Variants in DOCK3 observed in about 807,000 individuals in gnomAD.
The protein encoded by DOCK3 is dedicator of cytokinesis protein 3.
In DOCK3, 60 loss-of-function variants were observed where a neutral mutation model predicts 265.6. The ratio of observed to expected loss-of-function variants is 0.23; its 90% CI spans 0.18 to 0.28. The LOEUF (loss-of-function observed/expected upper bound fraction) is 0.28, where lower values mean the gene tolerates loss of function less well. Ranked by LOEUF, DOCK3 falls within the 10% of genes least tolerant of loss-of-function variation. The pLI is 1.00. For missense variants in DOCK3, 1,981 were observed against 2,594.3 expected, an observed-to-expected ratio of 0.76 and a Z score of 5.14; for synonymous variants, 881 against 938.0, an observed-to-expected ratio of 0.94 and a Z score of 1.11.
chr3:51,326,452 G>C (rs557027459), intron 32 of DOCK3, among the ~76,000 whole-genome samples: 1 of 151,382 alleles, frequency 6.6e-6, no homozygotes, highest in Non-Finnish European at 1.5e-5. Flanking sequence ...GTAGAAACTG[G>C]GTTTCTACTA....
intron 3 of DOCK3, among the ~76,000 whole-genome samples, chr3:50,889,605 A>G (rs192720198): frequency 2.6e-5 from 4 of 152,100 alleles, no homozygotes; most frequent in Admixed American, 2.0e-4. Context: ...GTGAATATTA[A>G]TGTTAGCTAG....
rs534905695 is a variant in DOCK3, at chr3:50,992,546, C to G, written c.315+58469C>G. Among the ~76,000 whole-genome samples, 3 of 152,342 alleles carry G rather than the reference C, an allele frequency of 2.0e-5. No individual in the cohort carries two copies. The East Asian group carries it at 5.8e-4, about 29-fold the overall frequency. On this transcript the variant is annotated intron_variant, in intron 5 of 52. Coordinates refer to ENST00000266037, the MANE Select transcript of DOCK3 (RefSeq NM_004947.5). ...TCCTGACCTCAGGTGATCCGCACGC[C>G]TCAGCCTCCCAAAGTGCTGGGATCA... is the stretch of plus-strand genomic sequence containing the variant.
chr3:51,095,998 G>A (rs2082842372), intron 9 of DOCK3, among the ~76,000 whole-genome samples: 1 of 149,992 alleles, frequency 6.7e-6, no homozygotes, highest in South Asian at 2.1e-4. Context: ...TTAGTCTGAT[G>A]GGCTTCCCTT....
At chr3:51,345,251 A>G (rs1430965863) in intron 38 of DOCK3, among the ~76,000 whole-genome samples, 1 of 152,206 alleles carries the variant, frequency 6.6e-6, no homozygotes, top group African/African-American at 2.4e-5. Context: ...TAATGGGGGT[A>G]CAAGAGGCTT....
At chr3:51,162,384 T>A (rs2086182775) in intron 12 of DOCK3, among the ~76,000 whole-genome samples, 1 of 152,238 alleles carries the variant, frequency 6.6e-6, no homozygotes, top group Non-Finnish European at 1.5e-5. Flanking sequence ...CTTTATGGGA[T>A]GAGGATCTTC....
chr3:50,878,244 G>A (rs1167375548), intron 3 of DOCK3, among the ~76,000 whole-genome samples: 2 of 152,142 alleles, frequency 1.3e-5, no homozygotes, highest in East Asian at 1.9e-4. Context: ...GCAGCTCCTC[G>A]CCAGCAATGA....
rs1231665026 is a variant in DOCK3 at position 51,374,345 on chromosome 3, A to G, written c.5294-124A>G. The G allele has an allele frequency of 3.7e-6, 3 of 818,492 alleles. No individual in the cohort carries two copies. Among genetic ancestry groups the G allele is most frequent in the Non-Finnish European group, 6.0e-6 (3 of 499,332 alleles). The allele number at this position is 818,492 out of a possible 1,614,324, so 50.7% of individuals were successfully genotyped here. A position where few individuals can be genotyped will look rare whatever the true frequency, so the allele number is the denominator to read the frequency against. On this transcript the variant is annotated intron_variant, in intron 49 of 52. Transcript: ENST00000266037. The surrounding 1 kb of genome is among the most constrained non-coding windows in gnomAD (Gnocchi z 4.8). ...TGCTTCATTCCTCCTGTGCTTGCTG[A>G]GTTCATCCTCACCCTAACTGTAAGG...
At chr3:51,038,599 G>A (rs558429345) in intron 5 of DOCK3, among the ~76,000 whole-genome samples, 6 of 152,298 alleles carry the variant, frequency 3.9e-5, no homozygotes, top group East Asian at 3.9e-4. Context: ...TACAGTGTTG[G>A]TAAGGCCAGT....
chr3:51,351,193 T>A (rs2085950489), intron 40 of DOCK3, among the ~76,000 whole-genome samples: 2 of 152,208 alleles, frequency 1.3e-5, no homozygotes, highest in Non-Finnish European at 2.9e-5. Flanking sequence ...TGCCCTGATG[T>A]GTGGGCCCTG....
intron 1 of DOCK3, among the ~76,000 whole-genome samples, chr3:50,717,687 A>T (rs924814685): frequency 2.0e-5 from 3 of 152,144 alleles, no homozygotes; most frequent in Admixed American, 2.0e-4. Flanking sequence ...CAGTGGCGCA[A>T]TCTCAGCGCA....
intron 3 of DOCK3, among the ~76,000 whole-genome samples, chr3:50,888,454 C>G (rs2048457293): frequency 6.6e-6 from 1 of 152,094 alleles, no homozygotes; most frequent in African/African-American, 2.4e-5. Context: ...TTTATAGATT[C>G]AATGCCATCC....
At chr3:51,352,010 G>A (rs1175019879) in intron 40 of DOCK3, among the ~76,000 whole-genome samples, 1 of 152,132 alleles carries the variant, frequency 6.6e-6, no homozygotes, top group Non-Finnish European at 1.5e-5. Context: ...CATCTCTAGT[G>A]ACCATCCAGC....
chr3:50,794,145 T>C (rs2042640811), intron 2 of DOCK3, among the ~76,000 whole-genome samples: 1 of 152,196 alleles, frequency 6.6e-6, no homozygotes, highest in African/African-American at 2.4e-5. Context: ...GAGTGTTTTG[T>C]GTCCGAGTAT....
intron 3 of DOCK3, among the ~76,000 whole-genome samples, chr3:50,882,079 C>G (rs2048068835): frequency 6.6e-6 from 1 of 152,188 alleles, no homozygotes; most frequent in East Asian, 1.9e-4. Context: ...AAAGCTGAAA[C>G]TGGATCCCTT....
chr3:51,220,075 A>C (rs1404866188), intron 14 of DOCK3, among the ~76,000 whole-genome samples: 1 of 152,168 alleles, frequency 6.6e-6, no homozygotes, highest in Non-Finnish European at 1.5e-5. Flanking sequence ...AAGTCCTCTC[A>C]AGAGCCTTTT....
intron 1 of DOCK3, among the ~76,000 whole-genome samples, chr3:50,718,585 T>TA (rs2037273093): frequency 6.6e-6 from 1 of 152,158 alleles, no homozygotes; most frequent in African/African-American, 2.4e-5. Context: ...AAATATTTGT[T>TA]AAAGTATTTT....
intron 13 of DOCK3, among the ~76,000 whole-genome samples, chr3:51,212,791 A>G (rs112288694): frequency 2.6e-5 from 4 of 152,316 alleles, no homozygotes; most frequent in African/African-American, 7.2e-5. Context: ...CAGAATGCCA[A>G]CTGGAATACT....
intron 49 of DOCK3, among the ~76,000 whole-genome samples, chr3:51,365,919 G>A (rs1218403228): frequency 6.6e-6 from 1 of 152,174 alleles, no homozygotes; most frequent in Non-Finnish European, 1.5e-5. Context: ...TTGCATTGAT[G>A]TTCATCAGGG....
At chr3:50,974,807 T>A (rs2077376432) in intron 5 of DOCK3, among the ~76,000 whole-genome samples, 1 of 144,722 alleles carries the variant, frequency 6.9e-6, no homozygotes, top group South Asian at 2.4e-4. Flanking sequence ...GTATCATCTT[T>A]TATTTCATTG....
Sources: allele counts gnomAD v4.1 joint callset (sites outside exome capture counted in the v4.1 genomes callset), GRCh38; gene constraint gnomAD v4.1.1; non-coding constraint Gnocchi (gnomAD v3.1); transcripts MANE v1.5; gene names NCBI Gene and HGNC (gene_info 2026-07-23, HGNC 2026-07-21).